The following PCNX2 variants were observed in gnomAD, a reference collection of about 807,000 sequenced individuals.
PCNX2 encodes pecanex 2.
Under a neutral mutation model 223.8 loss-of-function variants are expected in PCNX2, and 168 were observed. That is an observed-to-expected ratio of 0.75 (90% CI 0.66 to 0.85). PCNX2 has a LOEUF of 0.85. Ranked by LOEUF, PCNX2 falls within the 40% of genes least tolerant of loss-of-function variation. PCNX2 has a pLI of 0.00. For missense variants in PCNX2, 2,507 were observed against 2,675.5 expected (o/e 0.94, Z 1.39); for synonymous variants, 1,006 against 1,052.6 (o/e 0.96, Z 0.86).
chr1:233,020,757 C>T (rs12057200), intron 26 of PCNX2, among the ~76,000 whole-genome samples: 55,633 of 152,010 alleles, frequency 0.37, 13,239 homozygotes, highest in African/African-American at 0.68. Context: ...CACTAATAAT[C>T]TGAAGAGAGA....
At chr1:233,272,284 C>T (rs190027211) in intron 1 of PCNX2, among the ~76,000 whole-genome samples, 16 of 134,270 alleles carry the variant, frequency 1.2e-4, no homozygotes, top group Admixed American at 1.1e-3. Flanking sequence ...GGAACTCAAA[C>T]AATTAGCAAG....
chr1:233,141,771 A>ATGTGTG (rs1553299501), intron 19 of PCNX2, among the ~76,000 whole-genome samples: 15 of 110,734 alleles, frequency 1.4e-4, no homozygotes, highest in African/African-American at 7.1e-4. Context: ...GTGTATATGT[A>ATGTGTG]TATGTGTGTG....
intron 21 of PCNX2, among the ~76,000 whole-genome samples, chr1:233,107,980 G>C (rs888530921): frequency 6.6e-6 from 1 of 152,162 alleles, no homozygotes; most frequent in African/African-American, 2.4e-5. Flanking sequence ...GACCTCTGTA[G>C]TCCTCACTGC....
chr1:233,236,110 C>T (rs10429820), intron 9 of PCNX2, among the ~76,000 whole-genome samples: 93,314 of 151,182 alleles, frequency 0.62, 30,797 homozygotes, highest in Non-Finnish European at 0.73. Context: ...ATCCTCTTCT[C>T]TCCATCTGTA....
intron 17 of PCNX2, among the ~76,000 whole-genome samples, chr1:233,170,306 T>G (rs965075394): frequency 6.6e-6 from 1 of 152,238 alleles, no homozygotes; most frequent in African/African-American, 2.4e-5. Flanking sequence ...TTGTCAACAC[T>G]TAGTACTCTG....
intron 8 of PCNX2, among the ~76,000 whole-genome samples, chr1:233,243,065 C>T (rs1350844722): frequency 1.3e-5 from 2 of 152,176 alleles, no homozygotes; most frequent in Non-Finnish European, 2.9e-5. Flanking sequence ...GCTTATGTTT[C>T]TGCAGCAGTC....
intron 25 of PCNX2, among the ~76,000 whole-genome samples, chr1:233,042,908 G>C (rs1218757353): frequency 1.3e-5 from 2 of 152,170 alleles, no homozygotes; most frequent in Non-Finnish European, 2.9e-5. Flanking sequence ...CTGAAAGGAG[G>C]AATGAAAGAA....
intron 1 of PCNX2, among the ~76,000 whole-genome samples, chr1:233,283,647 A>G (rs569372178): frequency 2.4e-4 from 37 of 152,288 alleles, no homozygotes; most frequent in Admixed American, 2.0e-4. Flanking sequence ...TAAAAAATGA[A>G]TTTGTGGGAC....
intron 5 of PCNX2, among the ~76,000 whole-genome samples, chr1:233,257,625 A>G (rs1327798791): frequency 1.3e-5 from 2 of 152,248 alleles, no homozygotes; most frequent in South Asian, 4.1e-4. Context: ...AATAGAACTC[A>G]GCAGGAAAAG....
chr1:233,141,773 A>ATG (rs34145635), intron 19 of PCNX2, among the ~76,000 whole-genome samples: 16,560 of 146,180 alleles, frequency 0.11, 1,028 homozygotes, highest in East Asian at 0.19. Flanking sequence ...GTATATGTAT[A>ATG]TGTGTGTGTG....
intron 10 of PCNX2, among the ~76,000 whole-genome samples, chr1:233,219,090 A>AG (rs1431123003): frequency 2.0e-5 from 3 of 152,018 alleles, no homozygotes; most frequent in Non-Finnish European, 2.9e-5. Flanking sequence ...TACAAGGTAT[A>AG]GGGTAGAGAG....
At chr1:232,989,497 C>T (rs114124818) in intron 32 of PCNX2, among the ~76,000 whole-genome samples, 315 of 152,226 alleles carry the variant, frequency 2.1e-3, no homozygotes, top group African/African-American at 6.9e-3. Flanking sequence ...GGCTAAGGGT[C>T]TCTGTCATGC....
the PCNX2 span, among the ~76,000 whole-genome samples, chr1:233,308,809 AC>A: frequency 6.6e-6 from 1 of 152,238 alleles, no homozygotes; most frequent in Non-Finnish European, 1.5e-5. Flanking sequence ...ATAAAAAAAC[AC>A]AAACTACATA....
chr1:232,989,607 TCCA>T (rs1444924712), intron 32 of PCNX2, among the ~76,000 whole-genome samples: 27 of 152,268 alleles, frequency 1.8e-4, no homozygotes, highest in Admixed American at 1.0e-3. Flanking sequence ...CACGGTCCTC[TCCA>T]CTATGTGCCC....
rs371349721 is a variant in PCNX2 at position 233,252,390 on chromosome 1, A to G, written c.2092T>C (p.Ser698Pro). ...GPETSVQEEI[S>P]VDAMHVFIDE... ...ATGAAGACATGCATAGCATCCACAGATATCTCTTCTTGTACAGATGTTTCA... is the reference window on the plus strand; with the variant it reads ...ATGAAGACATGCATAGCATCCACAGGTATCTCTTCTTGTACAGATGTTTCA... The change falls in exon 7 of 34, where the codon TCT becomes CCT. Residue 698 changes from serine to proline, a missense_variant. Ser to Pro is a moderately conservative substitution (Grantham distance 74, BLOSUM62 -1). Transcript: ENST00000258229. The G allele has an allele frequency of 1.2e-4, 190 of 1,612,588 alleles. No homozygotes were observed. Among genetic ancestry groups the G allele is most frequent in the Middle Eastern group, 3.3e-4 (2 of 6,080 alleles).
intron 15 of PCNX2, among the ~76,000 whole-genome samples, chr1:233,185,404 A>AC (rs1315704786): frequency 6.6e-6 from 1 of 152,062 alleles, no homozygotes; most frequent in Non-Finnish European, 1.5e-5. Context: ...TGCTCCATGT[A>AC]CCCCACCACC....
intron 24 of PCNX2, among the ~76,000 whole-genome samples, chr1:233,055,449 G>A (rs1458292133): frequency 6.6e-6 from 1 of 152,138 alleles, no homozygotes; most frequent in Non-Finnish European, 1.5e-5. Flanking sequence ...GAAATTAGGA[G>A]TGCGTAGTGC....
At chr1:233,073,617 A>C (rs558328580) in intron 23 of PCNX2, among the ~76,000 whole-genome samples, 246 of 151,352 alleles carry the variant, frequency 1.6e-3, no homozygotes, top group African/African-American at 5.5e-3. Flanking sequence ...TATTATTATT[A>C]TTATTATTTT....
chr1:233,026,033 A>G (rs1036276657), intron 25 of PCNX2, among the ~76,000 whole-genome samples: 4 of 152,246 alleles, frequency 2.6e-5, no homozygotes, highest in Admixed American at 1.3e-4. Context: ...TACAGCAATG[A>G]AACAAATATA....
Sources: gnomAD v4.1 joint callset for allele counts (sites outside exome capture counted in the v4.1 genomes callset) on GRCh38, gnomAD v4.1.1 for gene constraint, MANE v1.5 for transcripts, NCBI Gene and HGNC (gene_info 2026-07-23, HGNC 2026-07-21) for gene names.